The following SLC26A8 variants were observed in gnomAD, a reference collection of about 807,000 sequenced individuals.
SLC26A8 encodes the protein testis anion transporter 1.
SLC26A8 carries 70 observed loss-of-function variants against 105.0 expected under a neutral mutation model. The ratio of observed to expected loss-of-function variants is 0.67; its 90% confidence interval spans 0.55 to 0.81. SLC26A8 has a LOEUF of 0.81. Ranked by LOEUF, SLC26A8 falls within the 40% of genes least tolerant of loss-of-function variation. SLC26A8 has a pLI of 0.00. For missense variants in SLC26A8, 998 were observed against 1,181.8 expected (o/e 0.84, Z 2.28); for synonymous variants, 415 against 438.3 (o/e 0.95, Z 0.66).
chr6:36,014,344 G>A (rs544121817), intron 2 of SLC26A8, among the ~76,000 whole-genome samples: 1 of 152,280 alleles, frequency 6.6e-6, no homozygotes, highest in South Asian at 2.1e-4. Context: ...ACTAAGGAGG[G>A]AATTAGAGGA....
intron 7 of SLC26A8, among the ~76,000 whole-genome samples, chr6:35,985,711 A>G (rs367750406): frequency 0.096 from 14,065 of 146,900 alleles, 1,016 homozygotes; most frequent in Non-Finnish European, 0.13. Context: ...AAAAAAAAAA[A>G]AAAAAAAAAA....
In SLC26A8 at chr6:35,959,748, T is replaced by G; in HGVS notation, c.1697A>C (p.Asn566Thr). Residue 566 changes from asparagine to threonine, a missense_variant, in exon 15 of 20, where the codon AAT (asparagine) becomes ACT (threonine). Asn to Thr is a moderately conservative substitution (Grantham distance 65). Coordinates refer to ENST00000490799, the MANE Select transcript of SLC26A8 (RefSeq NM_052961.4). The part of the protein sequence containing the change: ...FQCCSSITFV[N>T]VYYLKHKLLK... ...CAGCTTATGCTTTAGGTAGTAAACA[T>G]TTACAAATGTAATTGAGCTGCAGCA... is the stretch of plus-strand genomic sequence containing the variant. The G allele has an allele frequency of 6.2e-7, 1 of 1,609,964 alleles. No homozygotes were observed. The highest frequency in any genetic ancestry group is 8.5e-7 in the Non-Finnish European group (1 of 1,179,162).
chr6:36,009,977 T>C (rs186581100), intron 3 of SLC26A8, among the ~76,000 whole-genome samples: 9 of 152,254 alleles, frequency 5.9e-5, no homozygotes, highest in Non-Finnish European at 7.4e-5. Context: ...GTGGAGGAAA[T>C]GAAATTCTTA....
At chr6:35,973,467 G>T (rs901493410) in intron 10 of SLC26A8, among the ~76,000 whole-genome samples, 6 of 152,042 alleles carry the variant, frequency 3.9e-5, no homozygotes, top group Non-Finnish European at 8.8e-5. Context: ...AGGCCTGCGG[G>T]GCCACATGTG....
In SLC26A8 at chr6:35,989,167, C is replaced by T. The variant is rs557348330; in HGVS notation, c.942+2492G>A. Reference sequence around the variant, plus strand: ...TTCTATATGTTTTGAGGAATTTATACGCCAGGTAACTGCCACCCTAACTAA... The same window carrying T: ...TTCTATATGTTTTGAGGAATTTATATGCCAGGTAACTGCCACCCTAACTAA... On this transcript the variant is annotated intron_variant, in intron 7 of 19. Transcript: ENST00000490799. 5.7e-4 allele frequency among the ~76,000 whole-genome samples: 86 copies of T among 152,156 alleles called. 1 individual carries two copies. The South Asian group carries it at 0.016, about 28-fold the overall frequency.
At chr6:35,959,064 G>A (rs573998448) in intron 16 of SLC26A8, among the ~76,000 whole-genome samples, 16 of 152,250 alleles carry the variant, frequency 1.1e-4, no homozygotes, top group Non-Finnish European at 2.2e-4. Context: ...CAGCAACCTT[G>A]ACCTTGCCCT....
At chr6:35,974,411 C>T (rs1267791410) in intron 10 of SLC26A8, among the ~76,000 whole-genome samples, 2 of 152,210 alleles carry the variant, frequency 1.3e-5, no homozygotes, top group African/African-American at 2.4e-5. Flanking sequence ...ACAGTCTTTT[C>T]GACCACCATT....
chr6:35,994,116 C>CTTTTTTTTTTTTCTTTTCT (rs1761276384), intron 5 of SLC26A8, among the ~76,000 whole-genome samples: 1 of 66,194 alleles, frequency 1.5e-5, no homozygotes, highest in African/African-American at 4.9e-5. Flanking sequence ...TTTTTCTTTT[C>CTTTTTTTTTTTTCTTTTCT]TTTTTTTTTT....
At chr6:35,978,865 G>T (rs1581656670) in intron 8 of SLC26A8, among the ~76,000 whole-genome samples, 1 of 143,354 alleles carries the variant, frequency 7.0e-6, no homozygotes. Context: ...TTTATATTGA[G>T]ACCAGGTCTT....
intron 7 of SLC26A8, among the ~76,000 whole-genome samples, chr6:35,984,323 T>TTA (rs1371488210): frequency 5.0e-4 from 25 of 50,176 alleles, no homozygotes; most frequent in Admixed American, 1.3e-3. Flanking sequence ...CTTCTTATTT[T>TTA]TTTTTTTTTT....
intron 8 of SLC26A8, among the ~76,000 whole-genome samples, chr6:35,978,836 T>C (rs1449853060): frequency 7.1e-6 from 1 of 141,208 alleles, no homozygotes; most frequent in East Asian, 2.0e-4. Flanking sequence ...TTCCTTCTTC[T>C]TCTTCTTCTT....
chr6:35,990,901 A>G (rs148001074), intron 7 of SLC26A8, among the ~76,000 whole-genome samples: 1,968 of 151,594 alleles, frequency 0.013, 17 homozygotes, highest in Non-Finnish European at 0.019. Flanking sequence ...TCATAAGGGG[A>G]AAAAAAAACC....
In SLC26A8 at chr6:35,987,245, T is replaced by C. The variant is rs187158120; in HGVS notation, c.942+4414A>G. ...CTGTGGCAATGTACAAGCCATGAGA[T>C]TGTAGCATTTTAACACATCGAAGTT... On this transcript the variant is annotated intron_variant, in intron 7 of 19. Coordinates refer to ENST00000490799, the MANE Select transcript of SLC26A8 (RefSeq NM_052961.4). 8.5e-5 allele frequency among the ~76,000 whole-genome samples: 13 copies of C among 152,300 alleles called. No individual in the cohort carries two copies. The East Asian group carries it at 2.1e-3, about 25-fold the overall frequency.
chr6:35,951,724 G>A (rs1771880612), intron 17 of SLC26A8, among the ~76,000 whole-genome samples: 1 of 152,016 alleles, frequency 6.6e-6, no homozygotes, highest in Non-Finnish European at 1.5e-5. Context: ...GACTACAGGT[G>A]CATACCACAC....
chr6:35,944,212 T>C lies in SLC26A8; in HGVS notation c.2601A>G (p.Glu867=). ...ESELDLELES[E]QEAGLGLDLD... ...GGTCCAGACCCAGCCCAGCCTCTTG[T>C]TCTGATTCCAGCTCCAAATCCAACT... Residue 867 remains glutamate, a synonymous_variant, in exon 20 of 20, where the codon GAA becomes GAG. Coordinates refer to ENST00000490799, the MANE Select transcript of SLC26A8 (RefSeq NM_052961.4). 1.2e-6 allele frequency: 2 copies of C among 1,614,018 alleles called. No homozygotes were observed. Among genetic ancestry groups the C allele is most frequent in the Non-Finnish European group, 8.5e-7 (1 of 1,179,928 alleles).
intron 2 of SLC26A8, among the ~76,000 whole-genome samples, chr6:36,013,028 C>T (rs1446020315): frequency 1.3e-5 from 2 of 152,080 alleles, no homozygotes; most frequent in East Asian, 1.9e-4. Flanking sequence ...CTGGCCTTGA[C>T]CTGTGACATG....
At chr6:35,951,108 C>T in intron 19 of SLC26A8, 55 bp downstream of exon 19, 1 of 1,520,444 alleles carries the variant, frequency 6.6e-7, no homozygotes, top group South Asian at 1.1e-5. Flanking sequence ...CTCACCCATC[C>T]CCCCACTGCC....
intron 10 of SLC26A8, among the ~76,000 whole-genome samples, chr6:35,973,206 C>A (rs1319833106): frequency 6.6e-6 from 1 of 152,200 alleles, no homozygotes; most frequent in Non-Finnish European, 1.5e-5. Flanking sequence ...GTTAGTGGAA[C>A]TAATCTCTGG....
intron 7 of SLC26A8, among the ~76,000 whole-genome samples, chr6:35,984,311 T>A (rs1186591951): frequency 8.1e-6 from 1 of 124,156 alleles, no homozygotes; most frequent in Non-Finnish European, 1.6e-5. Flanking sequence ...TTCTTTCTTC[T>A]TCTTCTTATT....
Sources: gnomAD v4.1 joint callset for allele counts (sites outside exome capture counted in the v4.1 genomes callset) on GRCh38, gnomAD v4.1.1 for gene constraint, MANE v1.5 for transcripts, NCBI Gene and HGNC (gene_info 2026-07-23, HGNC 2026-07-21) for gene names.